Variants in RPH3AL observed in about 807,000 individuals in gnomAD.
The protein encoded by RPH3AL is rabphilin 3A like (without C2 domains).
In RPH3AL, 38 loss-of-function variants were observed where a neutral mutation model predicts 43.1. The observed-to-expected ratio is 0.88, with a 90% CI of 0.68 to 1.15. The LOEUF is 1.15. Among genes scored for constraint, RPH3AL ranks in the 50% most tolerant of loss-of-function variants. The probability of loss-of-function intolerance (pLI) is 0.00; values close to 1 mark genes in which losing one functional copy is unlikely to be tolerated. For missense variants in RPH3AL, 462 were observed against 423.2 expected (o/e 1.09, Z -0.81); for synonymous variants, 189 against 176.3 (o/e 1.07, Z -0.57).
intron 1 of RPH3AL, among the ~76,000 whole-genome samples, chr17:341,724 A>AT (rs987115088): frequency 3.3e-5 from 5 of 152,100 alleles, no homozygotes; most frequent in Admixed American, 6.5e-5. Context: ...TTTTATCATA[A>AT]TTTTTTTGAG....
chr17:321,515 C>T (rs1268640402), intron 3 of RPH3AL, 100 bp from the exon 4 acceptor site: 33 of 1,332,316 alleles, frequency 2.5e-5, no homozygotes, highest in Middle Eastern at 2.0e-4. Flanking sequence ...AGTCAGTGGA[C>T]GGCCCAGGTG....
chr17:337,211 G>A (rs1251438826), intron 1 of RPH3AL, among the ~76,000 whole-genome samples: 1 of 151,976 alleles, frequency 6.6e-6, no homozygotes, highest in Non-Finnish European at 1.5e-5. Context: ...CAACTCCTCG[G>A]CTCCCGTGAT....
At chr17:252,338 G>A (rs1388759636) in intron 6 of RPH3AL, among the ~76,000 whole-genome samples, 1 of 152,110 alleles carries the variant, frequency 6.6e-6, no homozygotes, top group Non-Finnish European at 1.5e-5. Flanking sequence ...CAACAAAAAA[G>A]TAAAATGAAA....
intron 7 of RPH3AL, among the ~76,000 whole-genome samples, chr17:227,983 C>A (rs374247031): frequency 2.0e-5 from 3 of 152,138 alleles, no homozygotes; most frequent in African/African-American, 7.2e-5. Flanking sequence ...GCTGCAGAGA[C>A]GCAGGACTGT....
rs1378802266 is a variant in RPH3AL at position 321,270 on chromosome 17, A to G, written c.221+2T>C. 9 of 1,605,024 alleles carry G rather than the reference A, an allele frequency of 5.6e-6. No individual in the cohort carries two copies. Among genetic ancestry groups the G allele is most frequent in the Non-Finnish European group, 7.6e-6 (9 of 1,179,008 alleles). ...ACTGAGCTGGCCCCGGCCCCGCCTC[A>G]CCCGATTCTCTGCTGCTCCAGGACG... On this transcript the variant is annotated splice_donor_variant, in intron 4 of 9. Coordinates refer to ENST00000331302, the MANE Select transcript of RPH3AL (RefSeq NM_006987.4). LOFTEE classifies it high-confidence loss of function.
Position 245,400 on chromosome 17 carries a change from AGTGT to A in RPH3AL, c.613+1707_613+1710del, listed in dbSNP as rs145270784. ...GGATGTCAGTGTGTGTGTGGATATCAGTGTGTGTGTGTGCATGGTGATGTGTGTG... is the reference window on the plus strand; with the variant it reads ...GGATGTCAGTGTGTGTGTGGATATCAGTGTGTGTGCATGGTGATGTGTGTG... On this transcript the variant is annotated intron_variant, in intron 7 of 9. Transcript: ENST00000331302. The surrounding 1 kb of genome is among the most constrained non-coding windows in gnomAD (Gnocchi z 5.9). Among the ~76,000 whole-genome samples, 5,155 of 137,644 alleles carry A rather than the reference AGTGT, an allele frequency of 0.037. 113 individuals are homozygous for A. Among genetic ancestry groups the A allele is most frequent in the South Asian group, 0.1 (373 of 3,732 alleles). The allele number at this position is 137,644 out of a possible 152,430, so 90.3% of individuals were successfully genotyped here.
At chr17:260,283 G>A (rs897177064) in intron 6 of RPH3AL, among the ~76,000 whole-genome samples, 8 of 152,286 alleles carry the variant, frequency 5.3e-5, no homozygotes, top group Admixed American at 2.0e-4. Context: ...CCCCTCTGTC[G>A]TGCTCCCAGA....
chr17:230,118 G>A (rs1302871787), intron 7 of RPH3AL, among the ~76,000 whole-genome samples: 1 of 152,230 alleles, frequency 6.6e-6, no homozygotes, highest in Non-Finnish European at 1.5e-5. Context: ...CCCAGGCACG[G>A]GAGCTGATGG....
At chr17:314,892 G>GA (rs2043869138) in intron 5 of RPH3AL, among the ~76,000 whole-genome samples, 139 of 93,850 alleles carry the variant, frequency 1.5e-3, no homozygotes, top group Middle Eastern at 0.012. Context: ...TAGTCTCTGT[G>GA]CTCCACCTCC....
At chr17:219,133 G>C (rs2040884450) in intron 8 of RPH3AL, among the ~76,000 whole-genome samples, 1 of 149,308 alleles carries the variant, frequency 6.7e-6, no homozygotes, top group Non-Finnish European at 1.5e-5. Flanking sequence ...GAACTCCTTG[G>C]ACACCCACTG....
intron 7 of RPH3AL, among the ~76,000 whole-genome samples, chr17:243,627 G>T: frequency 8.3e-6 from 1 of 121,002 alleles, no homozygotes; most frequent in South Asian, 2.7e-4. Context: ...TTCCTCTATT[G>T]ATTACCCTTC....
intron 5 of RPH3AL, among the ~76,000 whole-genome samples, chr17:312,757 AAC>A (rs1298018046): frequency 1.3e-5 from 2 of 152,220 alleles, no homozygotes; most frequent in African/African-American, 2.4e-5. Flanking sequence ...CAGATGAAAG[AAC>A]AGAGGCCCAG....
chr17:272,146 A>G (rs1377314615), intron 6 of RPH3AL, among the ~76,000 whole-genome samples: 1 of 152,224 alleles, frequency 6.6e-6, no homozygotes, highest in African/African-American at 2.4e-5. Context: ...GAACAATTTT[A>G]CACTGTTGGG....
In RPH3AL at chr17:215,686, C is replaced by A; in HGVS notation, c.844G>T (p.Gly282Ter). 7.8e-7 allele frequency: 1 copy of A among 1,275,578 alleles called. No homozygotes were observed. The highest frequency in any genetic ancestry group is 3.3e-5 in the South Asian group (1 of 30,644). 79.0% of individuals were successfully genotyped at this position (1,275,578 alleles called of 1,614,324 possible). A position where few individuals can be genotyped will look rare whatever the true frequency, so the allele number is the denominator to read the frequency against. ...TGTGSADPPGGPRPGLTRRAP... is the reference protein window; with the variant it reads ...TGTGSADPPG ...CTTCGGGTCAGCCCGGGGCGGGGTC[C>A]CCCTGGCGGGTCAGCAGAGCCTGTC... The change falls in exon 9 of 10, where the codon GGA (glycine) becomes TGA (stop). Residue 282 changes from glycine (G) to a stop codon, truncating the protein, a stop_gained. Coordinates refer to ENST00000331302, the MANE Select transcript of RPH3AL (RefSeq NM_006987.4). LOFTEE classifies it high-confidence loss of function. The surrounding 1 kb of genome is among the most constrained non-coding windows in gnomAD (Gnocchi z 4.1).
chr17:241,711 C>CTTTTTTTTTTTTTTTTTTTTTTTTTTT (rs1001979455), intron 7 of RPH3AL, among the ~76,000 whole-genome samples: 5 of 92,788 alleles, frequency 5.4e-5, no homozygotes, highest in African/African-American at 8.0e-5. Context: ...GTTTCTTTTT[C>CTTTTTTTTTTTTTTTTTTTTTTTTTTT]TTTTTTTTTC....
In RPH3AL at chr17:266,301, T is replaced by G. The variant is rs561868388; in HGVS notation, c.438+15467A>C. On this transcript the variant is annotated intron_variant, in intron 6 of 9. Transcript: ENST00000331302. ...CATCCCTGTGCTCCCCAGTGGGGTG[T>G]GTGTGTGTGCACCTGCGTGCATGCT... Among the ~76,000 whole-genome samples the G allele has an allele frequency of 2.6e-3, 398 of 151,544 alleles. 2 individuals carry two copies. The highest frequency in any genetic ancestry group is 9.1e-3 in the African/African-American group (376 of 41,284).
chr17:315,164 C>T (rs1555519184), intron 5 of RPH3AL, among the ~76,000 whole-genome samples: 13 of 4,310 alleles, frequency 3.0e-3, no homozygotes, highest in Non-Finnish European at 5.2e-3. Context: ...AGTCCCTGTG[C>T]CCCCACCTCC....
intron 5 of RPH3AL, among the ~76,000 whole-genome samples, chr17:284,084 G>A (rs2042846588): frequency 1.3e-5 from 2 of 152,202 alleles, no homozygotes; most frequent in Admixed American, 1.3e-4. Flanking sequence ...ACACGCATCG[G>A]TTGAGGGCAG....
At chr17:249,861 T>C (rs1319449442) in intron 6 of RPH3AL, among the ~76,000 whole-genome samples, 1 of 149,464 alleles carries the variant, frequency 6.7e-6, no homozygotes, top group Non-Finnish European at 1.5e-5. Flanking sequence ...GCTCCGTCGC[T>C]GCAGGACCTC....
Sources: allele counts gnomAD v4.1 joint callset (sites outside exome capture counted in the v4.1 genomes callset), GRCh38; gene constraint gnomAD v4.1.1; non-coding constraint Gnocchi (gnomAD v3.1); transcripts MANE v1.5; gene names NCBI Gene and HGNC (gene_info 2026-07-23, HGNC 2026-07-21).